The following PDE8B variants were observed in gnomAD, a reference collection of about 807,000 sequenced individuals.
PDE8B encodes high affinity cAMP-specific and IBMX-insensitive 3',5'-cyclic phosphodiesterase 8B.
In PDE8B, 26 loss-of-function variants were observed where a neutral mutation model predicts 101.3. The ratio of observed to expected loss-of-function variants is 0.26; its 90% CI spans 0.19 to 0.36. PDE8B has a LOEUF of 0.36. Among genes scored for constraint, PDE8B ranks in the 10% least tolerant of loss-of-function variants. PDE8B has a pLI of 1.00. For missense variants in PDE8B, 810 were observed against 1,163.1 expected (o/e 0.70, Z 4.42); for synonymous variants, 424 against 429.3 (o/e 0.99, Z 0.15).
Position 77,210,989 on chromosome 5 carries a change from G to C in PDE8B, c.64G>C (p.Glu22Gln), listed in dbSNP as rs765929432. The change falls in exon 1 of 22, where the codon GAG becomes CAG. Residue 22 changes from glutamate to glutamine, a missense_variant. Glu to Gln is a conservative substitution (Grantham distance 29, BLOSUM62 2). Around this residue, in one of 4 missense-constraint regions of PDE8B, gnomAD observed 159 missense variants for 146.6 expected, o/e 1.08. Coordinates refer to ENST00000264917, the MANE Select transcript of PDE8B (RefSeq NM_003719.5). This position sits in a 1 kb window ranked among gnomAD's most constrained non-coding sequence, Gnocchi z 4.9. ...SGVIYCRDSDESSSPRQTTSV... is the reference protein window; with the variant it reads ...SGVIYCRDSDQSSSPRQTTSV... ...CGTGATCTACTGCCGGGACTCGGAC[G>C]AGTCCAGCTCGCCCCGCCAGACCAC... 3.2e-6 allele frequency: 5 copies of C among 1,541,642 alleles called. No individual in the cohort carries two copies. Among genetic ancestry groups the C allele is most frequent in the Non-Finnish European group, 3.5e-6 (4 of 1,154,136 alleles).
At chr5:77,324,371 C>T (rs1031408950) in intron 2 of PDE8B, among the ~76,000 whole-genome samples, 1 of 152,142 alleles carries the variant, frequency 6.6e-6, no homozygotes, top group African/African-American at 2.4e-5. Flanking sequence ...AAGCAGGGAA[C>T]AAGCCAGGCC....
chr5:77,352,191 T>G (rs772155486), intron 9 of PDE8B, among the ~76,000 whole-genome samples: 4 of 152,160 alleles, frequency 2.6e-5, no homozygotes, highest in Non-Finnish European at 5.9e-5. Context: ...CCCTCGGCCC[T>G]CCTCCTGAGC....
At chr5:77,199,860 T>C in the PDE8B span, among the ~76,000 whole-genome samples, 40 of 152,352 alleles carry the variant, frequency 2.6e-4, no homozygotes, top group Non-Finnish European at 4.4e-4. Flanking sequence ...TTATTATTTT[T>C]CTGCCAGTAT....
At chr5:77,260,157 C>CAAAAAAAAAAAAAAAAAAAAAAAA (rs66923234) in intron 1 of PDE8B, among the ~76,000 whole-genome samples, 12 of 100,946 alleles carry the variant, frequency 1.2e-4, no homozygotes, top group Non-Finnish European at 1.8e-4. Context: ...AACTCCATCA[C>CAAAAAAAAAAAAAAAAAAAAAAAA]AAAAAAAAAA....
intron 1 of PDE8B, among the ~76,000 whole-genome samples, chr5:77,310,712 C>T (rs1281495558): frequency 6.6e-6 from 1 of 152,132 alleles, no homozygotes; most frequent in Non-Finnish European, 1.5e-5. Flanking sequence ...GGCCAGGAAC[C>T]TCAGATGAGC....
chr5:77,290,414 A>G, intron 1 of PDE8B: 1 of 1,415,184 alleles, frequency 7.1e-7, no homozygotes, highest in Non-Finnish European at 1.0e-6. Context: ...ACTAGCCAAT[A>G]GCAAGAGTCC....
At chr5:77,179,521 A>G in the PDE8B span, among the ~76,000 whole-genome samples, 1 of 152,238 alleles carries the variant, frequency 6.6e-6, no homozygotes, top group African/African-American at 2.4e-5. Context: ...GAGGCATTTA[A>G]TTAGGTACAA....
At chr5:77,381,632 A>G (rs1273505371) in intron 10 of PDE8B, among the ~76,000 whole-genome samples, 1 of 151,926 alleles carries the variant, frequency 6.6e-6, no homozygotes, top group Non-Finnish European at 1.5e-5. Context: ...TTTTTTAAAT[A>G]AAAGGTTGAC....
the PDE8B span, chr5:77,140,966 A>T: frequency 6.6e-6 from 1 of 152,164 alleles, no homozygotes; most frequent in Non-Finnish European, 1.5e-5. Context: ...ACTCATATAC[A>T]TGTGTATATA....
chr5:77,276,586 A>G (rs955008061), intron 1 of PDE8B, among the ~76,000 whole-genome samples: 2 of 152,148 alleles, frequency 1.3e-5, no homozygotes, highest in Non-Finnish European at 2.9e-5. Context: ...TCATGCCTTC[A>G]TTTATCTGTT....
At chr5:77,210,667 C>A (rs994136827), upstream of PDE8B, 2 of 980,690 alleles carry the variant, frequency 2.0e-6, no homozygotes, top group African/African-American at 3.5e-5. This position sits in a 1 kb window ranked among gnomAD's most constrained non-coding sequence, Gnocchi z 4.9. Flanking sequence ...GCCGCTGGTG[C>A]GCGCGGGGCG....
chr5:77,206,625 C>T (rs185529586), upstream of PDE8B, among the ~76,000 whole-genome samples: 41 of 152,224 alleles, frequency 2.7e-4, no homozygotes, highest in Admixed American at 1.1e-3. Flanking sequence ...TGAGGGTGGG[C>T]TCAGCAAGGT....
the PDE8B span, among the ~76,000 whole-genome samples, chr5:77,106,580 A>G: frequency 3.3e-5 from 5 of 152,174 alleles, no homozygotes; most frequent in Non-Finnish European, 7.3e-5. Context: ...TTGGTTATCT[A>G]AATCATTTTA....
intron 1 of PDE8B, among the ~76,000 whole-genome samples, chr5:77,283,203 G>C (rs950132043): frequency 4.0e-5 from 6 of 151,898 alleles, no homozygotes; most frequent in Admixed American, 6.6e-5. Context: ...GCAGAATTTT[G>C]CAGAAAGTAG....
chr5:77,288,201 G>T (rs1347907918), intron 1 of PDE8B, among the ~76,000 whole-genome samples: 1 of 152,120 alleles, frequency 6.6e-6, no homozygotes, highest in East Asian at 1.9e-4. Flanking sequence ...GCAGCTCATT[G>T]GGGTCCCCAT....
At chr5:77,311,547 A>G (rs1185254893) in intron 1 of PDE8B, among the ~76,000 whole-genome samples, 1 of 152,252 alleles carries the variant, frequency 6.6e-6, no homozygotes, top group Non-Finnish European at 1.5e-5. Context: ...TAAACCATAC[A>G]TGTGATTTAG....
chr5:77,404,890 G>A, intron 12 of PDE8B, 93 bp downstream of exon 12: 2 of 786,922 alleles, frequency 2.5e-6, no homozygotes, highest in Non-Finnish European at 4.5e-6. Context: ...AAACTCCAAA[G>A]AGTAAGAGTT....
intron 2 of PDE8B, among the ~76,000 whole-genome samples, chr5:77,315,551 T>C (rs796724572): frequency 7.2e-5 from 11 of 152,340 alleles, no homozygotes; most frequent in African/African-American, 2.6e-4. Flanking sequence ...GTATTCTCTA[T>C]TTGTTGGACA....
intron 17 of PDE8B, among the ~76,000 whole-genome samples, chr5:77,417,934 C>T (rs944209220): frequency 6.6e-6 from 1 of 152,130 alleles, no homozygotes; most frequent in African/African-American, 2.4e-5. Context: ...AAATACCATA[C>T]AGTGGGCAAT....
Sources: allele counts gnomAD v4.1 joint callset (sites outside exome capture counted in the v4.1 genomes callset), GRCh38; gene constraint gnomAD v4.1.1; regional missense constraint gnomAD v4.1.1; non-coding constraint Gnocchi (gnomAD v3.1); transcripts MANE v1.5; gene names NCBI Gene and HGNC (gene_info 2026-07-23, HGNC 2026-07-21).